Variants in TRPM3 observed in about 807,000 individuals in gnomAD.
TRPM3 encodes long transient receptor potential channel 3.
In TRPM3, 77 loss-of-function variants were observed where a neutral mutation model predicts 181.2. The observed-to-expected ratio is 0.42, with a 90% CI of 0.35 to 0.51. The LOEUF is 0.51. Among genes scored for constraint, TRPM3 ranks in the 20% least tolerant of loss-of-function variants. TRPM3 has a pLI of 0.01. For synonymous variants in TRPM3, 745 were observed against 796.4 expected (o/e 0.94, Z 1.09); for missense variants, 1,759 against 2,196.7 (o/e 0.80, Z 3.98).
intron 1 of TRPM3, among the ~76,000 whole-genome samples, chr9:71,169,818 AATATTTTTTATATTTTT>A (rs1234564815): frequency 1.3e-5 from 2 of 151,216 alleles, no homozygotes; most frequent in African/African-American, 2.4e-5. Context: ...AATTTTTAGA[AATATTTTTTATATTTTT>A]ATATTTTTTA....
chr9:70,781,200 C>T (rs919861792), intron 7 of TRPM3, among the ~76,000 whole-genome samples: 1 of 151,844 alleles, frequency 6.6e-6, no homozygotes, highest in Admixed American at 6.6e-5. Flanking sequence ...TGGCAGGTGC[C>T]TGTAGTCCCA....
At chr9:70,624,557 CA>C (rs906866623) in intron 14 of TRPM3, among the ~76,000 whole-genome samples, 19 of 151,960 alleles carry the variant, frequency 1.3e-4, no homozygotes, top group Non-Finnish European at 2.5e-4. Flanking sequence ...GGTGTAGTAT[CA>C]AAAAAATGAT....
At chr9:70,975,011 G>A (rs996497458) in intron 1 of TRPM3, among the ~76,000 whole-genome samples, 1 of 151,644 alleles carries the variant, frequency 6.6e-6, no homozygotes, top group East Asian at 2.0e-4. Flanking sequence ...GGGATTACAG[G>A]TGCCCATCAC....
chr9:71,275,902 C>G (rs949684400), intron 1 of TRPM3, among the ~76,000 whole-genome samples: 7 of 150,062 alleles, frequency 4.7e-5, no homozygotes, highest in African/African-American at 1.7e-4. Flanking sequence ...AGTGCTGTGG[C>G]GTGATCTTGG....
chr9:70,817,437 C>T (rs1446539131), intron 6 of TRPM3, among the ~76,000 whole-genome samples: 8 of 152,190 alleles, frequency 5.3e-5, no homozygotes, highest in Admixed American at 2.6e-4. Context: ...CAGAGCTGAA[C>T]TCATGTTCAG....
At chr9:71,085,694 C>G (rs535209283) in intron 1 of TRPM3, among the ~76,000 whole-genome samples, 1 of 152,122 alleles carries the variant, frequency 6.6e-6, no homozygotes, top group Non-Finnish European at 1.5e-5. Flanking sequence ...AGTCAACCAA[C>G]AACAGATGCT....
At chr9:71,163,668 G>T (rs2076384466) in intron 1 of TRPM3, among the ~76,000 whole-genome samples, 1 of 152,072 alleles carries the variant, frequency 6.6e-6, no homozygotes, top group South Asian at 2.1e-4. Flanking sequence ...TGGAAGCCAT[G>T]GGCGAGGATA....
chr9:70,792,934 AATATAT>A (rs553833710), intron 6 of TRPM3, among the ~76,000 whole-genome samples: 1 of 152,040 alleles, frequency 6.6e-6, no homozygotes. Context: ...AATACAACTG[AATATAT>A]ATATATGTTT....
chr9:70,795,311 G>T (rs1345112630), intron 6 of TRPM3, among the ~76,000 whole-genome samples: 1 of 152,154 alleles, frequency 6.6e-6, no homozygotes, highest in African/African-American at 2.4e-5. Flanking sequence ...AGCACTTAGA[G>T]CCTGGCACTT....
intron 1 of TRPM3, among the ~76,000 whole-genome samples, chr9:71,439,653 C>T (rs2094105428): frequency 6.6e-6 from 1 of 152,030 alleles, no homozygotes. Context: ...AAGGAAATGG[C>T]ATGGGGATAT....
chr9:70,880,590 C>A (rs189664100), intron 1 of TRPM3, among the ~76,000 whole-genome samples: 2 of 151,956 alleles, frequency 1.3e-5, no homozygotes, highest in East Asian at 3.9e-4. Flanking sequence ...TTGTGTGCAC[C>A]CTGGCCAGGT....
chr9:71,352,678 TCAAA>T (rs2091707239), intron 1 of TRPM3, among the ~76,000 whole-genome samples: 1 of 152,178 alleles, frequency 6.6e-6, no homozygotes, highest in African/African-American at 2.4e-5. Context: ...TGTATTTTTT[TCAAA>T]CAAAGAAACA....
chr9:70,631,360 C>T (rs1279394394), intron 12 of TRPM3, among the ~76,000 whole-genome samples: 1 of 127,222 alleles, frequency 7.9e-6, no homozygotes, highest in Non-Finnish European at 1.6e-5. Context: ...GTCTGAAATG[C>T]CTTTTTTTTT....
At chr9:71,403,454 T>C (rs1183997795) in intron 1 of TRPM3, among the ~76,000 whole-genome samples, 3 of 152,300 alleles carry the variant, frequency 2.0e-5, no homozygotes, top group Admixed American at 1.3e-4. Context: ...AGGAATATAC[T>C]TGTTTCTGGA....
chr9:71,438,246 G>T (rs941950176), intron 1 of TRPM3, among the ~76,000 whole-genome samples: 1 of 152,330 alleles, frequency 6.6e-6, no homozygotes, highest in Admixed American at 6.5e-5. Context: ...AAATTATAAT[G>T]TGTCCACTAC....
At chr9:70,923,835 TATATATATACACACACACACAC>T (rs2096687431) in intron 1 of TRPM3, among the ~76,000 whole-genome samples, 2 of 141,686 alleles carry the variant, frequency 1.4e-5, no homozygotes, top group African/African-American at 5.3e-5. Flanking sequence ...TCTCTATATA[TATATATATACACACACACACAC>T]ATATATATAT....
chr9:71,023,784 T>A (rs576171867), intron 1 of TRPM3, among the ~76,000 whole-genome samples: 2 of 151,922 alleles, frequency 1.3e-5, no homozygotes, highest in African/African-American at 4.8e-5. Flanking sequence ...GACAAAACTT[T>A]AGAAATGGAG....
At position 70,646,887 on chromosome 9, in the gene TRPM3, A is replaced by C. The variant is rs72720660; in HGVS notation, c.1346-6227T>G. ...CCCCATGGAAGTACAAAAAAAAAAAAAAAACCCTCAGAGTCTATTAGGGAC... is the reference window on the plus strand; with the variant it reads ...CCCCATGGAAGTACAAAAAAAAAAACAAAACCCTCAGAGTCTATTAGGGAC... On this transcript the variant is annotated intron_variant, in intron 9 of 25. Transcript: ENST00000677713. Among the ~76,000 whole-genome samples, 407 of 147,634 alleles carry C rather than the reference A, an allele frequency of 2.8e-3. 1 individual carries two copies. Among genetic ancestry groups the C allele is most frequent in the African/African-American group, 9.0e-3 (358 of 39,942 alleles).
At chr9:71,124,347 A>C (rs1670184051), upstream of TRPM3, among the ~76,000 whole-genome samples, 1 of 151,914 alleles carries the variant, frequency 6.6e-6, no homozygotes, top group African/African-American at 2.4e-5. Context: ...CCAGCCCCAG[A>C]TATTAGCATC....
Sources: gnomAD v4.1 joint callset for allele counts (sites outside exome capture counted in the v4.1 genomes callset) on GRCh38, gnomAD v4.1.1 for gene constraint, MANE v1.5 for transcripts, NCBI Gene and HGNC (gene_info 2026-07-23, HGNC 2026-07-21) for gene names.